FSTL4: variants seen among roughly 807,000 people sequenced by gnomAD.
FSTL4 encodes the protein follistatin like 4, also known as follistatin-related protein 4.
FSTL4 carries 28 observed loss-of-function variants against 78.2 expected under a neutral mutation model. The ratio of observed to expected loss-of-function variants is 0.36; its 90% confidence interval spans 0.27 to 0.49. The LOEUF (loss-of-function observed/expected upper bound fraction) is 0.49. Ranked by LOEUF, FSTL4 falls within the 20% of genes least tolerant of loss-of-function variation. FSTL4 has a pLI of 0.98. For missense variants in FSTL4, 922 were observed against 1,084.9 expected (o/e 0.85, Z 2.11); for synonymous variants, 422 against 440.5 (o/e 0.96, Z 0.53).
At chr5:133,249,351 C>A in intron 7 of FSTL4, 59 bp downstream of exon 7, 1 of 1,348,704 alleles carries the variant, frequency 7.4e-7, no homozygotes, top group Non-Finnish European at 1.1e-6. Flanking sequence ...TGGCATCTTA[C>A]CCAGTGTACT....
At chr5:133,394,384 T>G (rs1013155744) in intron 4 of FSTL4, among the ~76,000 whole-genome samples, 3 of 152,136 alleles carry the variant, frequency 2.0e-5, no homozygotes, top group Non-Finnish European at 1.5e-5. Flanking sequence ...TGGGGCTGCG[T>G]GTGACGCTCG....
At chr5:133,511,798 A>G (rs1362738314) in intron 3 of FSTL4, among the ~76,000 whole-genome samples, 1 of 152,120 alleles carries the variant, frequency 6.6e-6, no homozygotes, top group African/African-American at 2.4e-5. Flanking sequence ...GAGGCAGAGG[A>G]AAGAGACAGG....
chr5:133,224,371 C>A, intron 10 of FSTL4, 155 bp from the exon 11 acceptor site: 1 of 580,552 alleles, frequency 1.7e-6, no homozygotes, highest in Non-Finnish European at 3.1e-6. Context: ...GCCCTAGGAA[C>A]AGTATCTTGG....
the FSTL4 span, among the ~76,000 whole-genome samples, chr5:133,813,613 T>C: frequency 6.6e-6 from 1 of 152,266 alleles, no homozygotes; most frequent in Non-Finnish European, 1.5e-5. Flanking sequence ...TTTCTTGCCA[T>C]AAGACTAAAA....
At chr5:133,675,685 A>G in the FSTL4 span, among the ~76,000 whole-genome samples, 1 of 152,186 alleles carries the variant, frequency 6.6e-6, no homozygotes, top group African/African-American at 2.4e-5. Context: ...AGGACTTGAG[A>G]TTTAACCCTT....
chr5:133,719,001 G>C, the FSTL4 span, among the ~76,000 whole-genome samples: 3 of 152,138 alleles, frequency 2.0e-5, no homozygotes, highest in African/African-American at 7.2e-5. Context: ...CTTTATGATA[G>C]ATATAAAAAT....
intron 4 of FSTL4, among the ~76,000 whole-genome samples, chr5:133,394,999 T>G (rs1755970624): frequency 6.6e-6 from 1 of 152,128 alleles, no homozygotes; most frequent in Non-Finnish European, 1.5e-5. Context: ...CTTGGAGAAC[T>G]TTTCTGTCTA....
At chr5:133,404,186 C>A (rs1000536621) in intron 3 of FSTL4, among the ~76,000 whole-genome samples, 1 of 152,312 alleles carries the variant, frequency 6.6e-6, no homozygotes, top group East Asian at 1.9e-4. Flanking sequence ...ATACCCCGGG[C>A]GGGGTAAGGC....
rs1251590652 is a variant in FSTL4, at chr5:133,316,489, A to G, written c.573T>C (p.Asn191=). Residue 191 remains asparagine (N), a synonymous_variant, in exon 5 of 16, where the codon AAT becomes AAC. Coordinates refer to ENST00000265342, the MANE Select transcript of FSTL4 (RefSeq NM_015082.2). ...SLFRDLDADG[N]GHLSSSELAQ... ...CCAGTTCGGAGCTGCTGAGGTGGCCATTGCCATCTGCATCTAAGTCCCTGA... is the reference window on the plus strand; with the variant it reads ...CCAGTTCGGAGCTGCTGAGGTGGCCGTTGCCATCTGCATCTAAGTCCCTGA... 3.1e-6 allele frequency: 5 copies of G among 1,614,132 alleles called. No individual in the cohort carries two copies. Among genetic ancestry groups the G allele is most frequent in the Non-Finnish European group, 4.2e-6 (5 of 1,180,010 alleles).
At chr5:133,260,168 C>T (rs115664994) in intron 6 of FSTL4, among the ~76,000 whole-genome samples, 2,025 of 152,268 alleles carry the variant, frequency 0.013, 49 homozygotes, top group African/African-American at 0.047. Context: ...TCCGGCGGGC[C>T]GCTCGAGCAG....
intron 3 of FSTL4, among the ~76,000 whole-genome samples, chr5:133,430,829 T>C (rs1013976432): frequency 1.3e-5 from 2 of 152,122 alleles, no homozygotes; most frequent in African/African-American, 4.8e-5. Flanking sequence ...GGCAAAACTA[T>C]ACAGGGGGGT....
chr5:133,824,634 G>A, the FSTL4 span, among the ~76,000 whole-genome samples: 46,266 of 152,074 alleles, frequency 0.3, 7,932 homozygotes, highest in Non-Finnish European at 0.38. Flanking sequence ...GACTCGGGGC[G>A]AAGAAGGCCC....
chr5:133,372,068 CA>C (rs1287289374), intron 4 of FSTL4, among the ~76,000 whole-genome samples: 1 of 152,196 alleles, frequency 6.6e-6, no homozygotes, highest in African/African-American at 2.4e-5. Flanking sequence ...CACCCACCCA[CA>C]GGCCGAACAT....
chr5:133,399,297 T>G (rs1263024882), intron 4 of FSTL4, among the ~76,000 whole-genome samples: 2 of 152,172 alleles, frequency 1.3e-5, no homozygotes, highest in Admixed American at 1.3e-4. Flanking sequence ...GCTTCCAGAA[T>G]GGGGACGTTT....
the FSTL4 span, among the ~76,000 whole-genome samples, chr5:133,627,211 C>G: frequency 6.9e-6 from 1 of 145,476 alleles, no homozygotes; most frequent in Non-Finnish European, 1.5e-5. Flanking sequence ...CCCACACTGC[C>G]AATAAAGACA....
At chr5:133,428,080 A>C (rs1003456331) in intron 3 of FSTL4, among the ~76,000 whole-genome samples, 1 of 152,206 alleles carries the variant, frequency 6.6e-6, no homozygotes, top group Non-Finnish European at 1.5e-5. Flanking sequence ...AGGTGTGCTG[A>C]GTTGGAAATG....
At chr5:133,232,381 T>C (rs751608731) in intron 8 of FSTL4, among the ~76,000 whole-genome samples, 1 of 152,196 alleles carries the variant, frequency 6.6e-6, no homozygotes, top group Non-Finnish European at 1.5e-5. Context: ...GCAGCCTATA[T>C]TCTATTCTTG....
chr5:133,375,983 G>A (rs1371954553), intron 4 of FSTL4, among the ~76,000 whole-genome samples: 1 of 152,188 alleles, frequency 6.6e-6, no homozygotes, highest in East Asian at 1.9e-4. Context: ...TTGTAAAGAT[G>A]TTGATTCTTC....
chr5:133,264,995 C>T (rs1387426622), intron 6 of FSTL4, among the ~76,000 whole-genome samples: 1 of 152,194 alleles, frequency 6.6e-6, no homozygotes, highest in Non-Finnish European at 1.5e-5. Context: ...TTAACAATTA[C>T]AGCCAGGCAC....
Sources: allele counts gnomAD v4.1 joint callset (sites outside exome capture counted in the v4.1 genomes callset), GRCh38; gene constraint gnomAD v4.1.1; transcripts MANE v1.5; gene names NCBI Gene and HGNC (gene_info 2026-07-23, HGNC 2026-07-21).